Variants in GANC observed in about 807,000 individuals in gnomAD.
GANC encodes the protein neutral alpha-glucosidase C.
A neutral mutation model predicts 124.2 loss-of-function variants in GANC; 117 were observed. The ratio of observed to expected loss-of-function variants is 0.94; its 90% confidence interval spans 0.81 to 1.10. The LOEUF (loss-of-function observed/expected upper bound fraction) is 1.10, where lower values mean the gene tolerates loss of function less well. Among genes scored for constraint, GANC ranks in the 50% least tolerant of loss-of-function variants. The probability of loss-of-function intolerance (pLI) is 0.00; values close to 1 mark genes in which losing one functional copy is unlikely to be tolerated. For synonymous variants in GANC, 377 were observed against 376.8 expected (o/e 1.00, Z -0.01); for missense variants, 1,140 against 1,095.0 (o/e 1.04, Z -0.58).
At chr15:42,315,003 A>G (rs747561067) in intron 10 of GANC, among the ~76,000 whole-genome samples, 7 of 152,328 alleles carry the variant, frequency 4.6e-5, no homozygotes, top group Non-Finnish European at 1.0e-4. Flanking sequence ...TAAGGACTTC[A>G]ACCTCCAACT....
chr15:42,342,393 G>A (rs2052334277), intron 18 of GANC, among the ~76,000 whole-genome samples: 1 of 152,084 alleles, frequency 6.6e-6, no homozygotes, highest in Admixed American at 6.5e-5. Context: ...ATTAGCCTGG[G>A]CAATATAGCA....
chr15:42,306,732 A>T, intron 7 of GANC, 120 bp downstream of exon 7: 2 of 637,762 alleles, frequency 3.1e-6, no homozygotes, highest in Non-Finnish European at 5.5e-6. Flanking sequence ...AAGAACAGAA[A>T]TCCCAGATCA....
At chr15:42,284,549 TGTA>T (rs1300609527) in intron 3 of GANC, among the ~76,000 whole-genome samples, 1 of 152,214 alleles carries the variant, frequency 6.6e-6, no homozygotes, top group African/African-American at 2.4e-5. Context: ...AGTAGAGGCT[TGTA>T]GTACTAAAAT....
chr15:42,316,732 T>C (rs1465293442), intron 10 of GANC, among the ~76,000 whole-genome samples: 2 of 152,078 alleles, frequency 1.3e-5, no homozygotes, highest in African/African-American at 4.8e-5. Context: ...GAGCAGAGTG[T>C]TCCCTAACTC....
At chr15:42,341,987 G>A (rs2141076124) in intron 18 of GANC, among the ~76,000 whole-genome samples, 1 of 152,174 alleles carries the variant, frequency 6.6e-6, no homozygotes, top group South Asian at 2.1e-4. Context: ...GTAAAAATCA[G>A]CCCCTCTTAT....
chr15:42,274,607 G>T, intron 1 of GANC, 97 bp downstream of exon 1: 1 of 1,207,772 alleles, frequency 8.3e-7, no homozygotes, highest in Non-Finnish European at 1.2e-6. Flanking sequence ...TTTGGTATTT[G>T]CTGACCTTTA....
chr15:42,351,276 G>T, intron 22 of GANC, 53 bp from the exon 23 acceptor site: 1 of 1,277,090 alleles, frequency 7.8e-7, no homozygotes. Flanking sequence ...TGAGCTGGTG[G>T]CCACTTCAAA....
intron 19 of GANC, chr15:42,343,495 G>A (rs2052342639): frequency 4.6e-6 from 1 of 216,584 alleles, no homozygotes; most frequent in Non-Finnish European, 9.2e-6. Context: ...GGGGAAAGCA[G>A]ATATGAAGTG....
intron 3 of GANC, among the ~76,000 whole-genome samples, chr15:42,287,408 G>A (rs1358716887): frequency 2.6e-5 from 4 of 152,140 alleles, no homozygotes; most frequent in African/African-American, 9.7e-5. Context: ...GTCTTTCAGT[G>A]TAATTATTAA....
intron 3 of GANC, among the ~76,000 whole-genome samples, chr15:42,283,185 C>T (rs955827140): frequency 1.3e-5 from 2 of 152,140 alleles, no homozygotes; most frequent in African/African-American, 4.8e-5. Context: ...GTTGCAAGGT[C>T]GGAACGTCCA....
At position 42,299,195 on chromosome 15, in the gene GANC, TG is replaced by T. The variant is rs573118653; in HGVS notation, c.558+1542del. Among the ~76,000 whole-genome samples the T allele has an allele frequency of 7.8e-3, 1,188 of 152,334 alleles. 14 individuals are homozygous for T. Among genetic ancestry groups the T allele is most frequent in the African/African-American group, 0.027 (1,134 of 41,564 alleles). ...TGCCCATTCAGTGTGATATTGGCTGTGGGTTCGTCATAAGTAGCTCTTATTA... is the reference window on the plus strand; with the variant it reads ...TGCCCATTCAGTGTGATATTGGCTGTGGTTCGTCATAAGTAGCTCTTATTA... On this transcript the variant is annotated intron_variant, in intron 6 of 23. Transcript: ENST00000318010.
At chr15:42,321,438 A>C (rs1299165019) in intron 10 of GANC, among the ~76,000 whole-genome samples, 5 of 152,168 alleles carry the variant, frequency 3.3e-5, no homozygotes, top group Admixed American at 2.0e-4. Context: ...TGTCTGGTAT[A>C]TTCCCACTAA....
chr15:42,333,065 A>G (rs1373644386), intron 15 of GANC, among the ~76,000 whole-genome samples: 1 of 150,470 alleles, frequency 6.6e-6, no homozygotes, highest in Non-Finnish European at 1.5e-5. Flanking sequence ...GCAGTGGCTC[A>G]TGTCTGTAAT....
At chr15:42,336,633 G>A (rs1279828263) in intron 15 of GANC, among the ~76,000 whole-genome samples, 1 of 152,156 alleles carries the variant, frequency 6.6e-6, no homozygotes, top group Non-Finnish European at 1.5e-5. Flanking sequence ...ATTGACAAAT[G>A]GGATCTAATT....
intron 3 of GANC, chr15:42,281,202 A>C (rs1042674084): frequency 1.5e-6 from 1 of 666,068 alleles, no homozygotes; most frequent in Admixed American, 2.3e-5. Context: ...ATGCAAATAC[A>C]TATTTCGGGA....
At chr15:42,290,291 G>C (rs560543808) in intron 4 of GANC, among the ~76,000 whole-genome samples, 244 of 152,300 alleles carry the variant, frequency 1.6e-3, no homozygotes, top group African/African-American at 5.7e-3. Flanking sequence ...CTTCACTGAA[G>C]AGTTTAAAGA....
At chr15:42,277,761 C>A (rs375225615) in intron 2 of GANC, among the ~76,000 whole-genome samples, 2 of 151,248 alleles carry the variant, frequency 1.3e-5, no homozygotes, top group South Asian at 2.1e-4. Context: ...CCACCACGCC[C>A]GGCTAATTTT....
At chr15:42,319,456 C>T (rs1194274687) in intron 10 of GANC, among the ~76,000 whole-genome samples, 2 of 152,004 alleles carry the variant, frequency 1.3e-5, no homozygotes, top group African/African-American at 2.4e-5. Flanking sequence ...GCAATTCTTC[C>T]GCTTTAGCCT....
intron 7 of GANC, among the ~76,000 whole-genome samples, chr15:42,307,477 G>A (rs1039091769): frequency 5.3e-5 from 8 of 151,974 alleles, no homozygotes; most frequent in African/African-American, 1.9e-4. Context: ...GGGATTACAG[G>A]CATGAGCCAC....
Sources: allele counts gnomAD v4.1 joint callset (sites outside exome capture counted in the v4.1 genomes callset), GRCh38; gene constraint gnomAD v4.1.1; transcripts MANE v1.5; gene names NCBI Gene and HGNC (gene_info 2026-07-23, HGNC 2026-07-21).